The following PRSS12 variants were observed in gnomAD, a reference collection of about 807,000 sequenced individuals.
PRSS12 encodes neurotrypsin.
In PRSS12, 85 loss-of-function variants were observed where a neutral mutation model predicts 104.4. The observed-to-expected ratio is 0.81, with a 90% CI of 0.68 to 0.98. The LOEUF is 0.98. Ranked by LOEUF, PRSS12 falls within the 50% of genes least tolerant of loss-of-function variation. The pLI is 0.00. For missense variants in PRSS12, 1,141 were observed against 1,139.2 expected (o/e 1.00, Z -0.02); for synonymous variants, 454 against 425.2 (o/e 1.07, Z -0.83).
In PRSS12 at chr4:118,352,279, A is replaced by C. The variant is rs777090965; in HGVS notation, c.442T>G (p.Trp148Gly). 6.2e-7 allele frequency: 1 copy of C among 1,609,954 alleles called. No homozygotes were observed. Among genetic ancestry groups the C allele is most frequent in the South Asian group, 1.1e-5 (1 of 90,396 alleles). ...CCACGGGCGTCTCCGTAGAAACACC[A>C]GGGTCTGCCCGCGCCGTCGGGGCTC... ...CRSPDGAGRP[W>G]CFYGDARGKV... The change falls in exon 1 of 13, where the codon TGG (tryptophan) becomes GGG (glycine). Residue 148 changes from tryptophan to glycine, a missense_variant. Transcript: ENST00000296498.
In PRSS12 at chr4:118,340,177, G is replaced by T. The variant is rs529324090; in HGVS notation, c.503-1863C>A. 5.0e-4 allele frequency among the ~76,000 whole-genome samples: 76 copies of T among 152,150 alleles called. 1 individual carries two copies. Among genetic ancestry groups the T allele is most frequent in the African/African-American group, 1.8e-3 (76 of 41,428 alleles). On this transcript the variant is annotated intron_variant, in intron 1 of 12. Coordinates refer to ENST00000296498, the MANE Select transcript of PRSS12 (RefSeq NM_003619.4). ...ATGACCATAACAATATAATAGCAAT[G>T]ATAGAGCTGGAAATAGTTTCCAGGT...
chr4:118,288,101 A>G (rs1743050806), intron 11 of PRSS12, among the ~76,000 whole-genome samples: 1 of 152,224 alleles, frequency 6.6e-6, no homozygotes. Flanking sequence ...TCTTCTCTAC[A>G]TGGATTCGTC....
In PRSS12 at chr4:118,332,114, C is replaced by T. The variant is rs115944868; in HGVS notation, c.821-248G>A. On this transcript the variant is annotated intron_variant, in intron 3 of 12. Transcript: ENST00000296498. ...AAATGTGTTTAAATTCACTTTTCCC[C>T]AACAACCTCAGAAACTAGAAAAGGC... 6.8e-3 allele frequency among the ~76,000 whole-genome samples: 1,029 copies of T among 152,072 alleles called. 13 individuals carry two copies. Among genetic ancestry groups the T allele is most frequent in the African/African-American group, 0.023 (944 of 41,484 alleles).
Position 118,352,575 on chromosome 4 carries a change from G to A in PRSS12, c.146C>T (p.Thr49Ile). The A allele has an allele frequency of 6.3e-7, 1 of 1,578,764 alleles. No individual in the cohort carries two copies. The highest frequency in any genetic ancestry group is 8.6e-7 in the Non-Finnish European group (1 of 1,163,484). The change falls in exon 1 of 13, where the codon ACC (threonine) becomes ATC (isoleucine). Residue 49 changes from threonine to isoleucine, a missense_variant. Physicochemically the swap from Thr to Ile is moderately conservative, Grantham distance 89 (BLOSUM62 -1). Transcript: ENST00000296498. ...ACGCGTCCTCGGGGGCCGCTGCTGG[G>A]TGGGAAGGTAATAGGGGTAGTGCGG... ...AGPHYPYYLPTQQRPPRTRPP... is the reference protein window; with the variant it reads ...AGPHYPYYLPIQQRPPRTRPP...
At chr4:118,348,285 T>C (rs6853459) in intron 1 of PRSS12, among the ~76,000 whole-genome samples, 1 of 152,212 alleles carries the variant, frequency 6.6e-6, no homozygotes, top group South Asian at 2.1e-4. Flanking sequence ...ACCAGAAGTG[T>C]CATTTCTAAA....
intron 4 of PRSS12, among the ~76,000 whole-genome samples, chr4:118,321,419 G>A (rs1032188725): frequency 6.6e-6 from 1 of 152,190 alleles, no homozygotes; most frequent in African/African-American, 2.4e-5. Context: ...AGAAGTATAT[G>A]TGGACACAGA....
intron 5 of PRSS12, 60 bp from the exon 6 acceptor site, chr4:118,316,383 A>C (rs1560775607): frequency 6.2e-7 from 1 of 1,602,316 alleles, no homozygotes; most frequent in Non-Finnish European, 8.5e-7. Flanking sequence ...AGGCAAAACA[A>C]CATTTGTATT....
At position 118,346,722 on chromosome 4, in the gene PRSS12, T is replaced by C. The variant is rs1001073761; in HGVS notation, c.502+5497A>G. ...CCATCGCTCACATTACCACCTGAGCTCTGCCTCCTAAGCTCTGCCTCCTAT... is the reference window on the plus strand; with the variant it reads ...CCATCGCTCACATTACCACCTGAGCCCTGCCTCCTAAGCTCTGCCTCCTAT... On this transcript the variant is annotated intron_variant, in intron 1 of 12. Coordinates refer to ENST00000296498, the MANE Select transcript of PRSS12 (RefSeq NM_003619.4). Among the ~76,000 whole-genome samples, 5 of 152,276 alleles carry C rather than the reference T, an allele frequency of 3.3e-5. No homozygotes were observed. The East Asian group carries it at 9.7e-4, about 29-fold the overall frequency.
At chr4:118,311,107 G>A (rs892344362) in intron 7 of PRSS12, among the ~76,000 whole-genome samples, 2 of 152,022 alleles carry the variant, frequency 1.3e-5, no homozygotes, top group African/African-American at 2.4e-5. Context: ...GTAAAATTGA[G>A]TAAGAGGCAA....
At chr4:118,328,267 T>C (rs924634875) in intron 4 of PRSS12, among the ~76,000 whole-genome samples, 2 of 152,234 alleles carry the variant, frequency 1.3e-5, no homozygotes, top group African/African-American at 4.8e-5. Flanking sequence ...AGAGTACTTA[T>C]AATAAAAACA....
intron 4 of PRSS12, among the ~76,000 whole-genome samples, chr4:118,324,334 A>G (rs550545696): frequency 1.3e-5 from 2 of 152,198 alleles, no homozygotes; most frequent in African/African-American, 4.8e-5. Flanking sequence ...ATGCTTACCT[A>G]TCACATTTTT....
Position 118,318,457 on chromosome 4 carries a change from C to T in PRSS12, c.1071G>A (p.Glu357=). Residue 357 remains glutamate, a synonymous_variant, in exon 5 of 13, where the codon GAG becomes GAA. Transcript: ENST00000296498. ...CTCCCCAGGAGCTCTTTGGACACTG[C>T]TCAATTGAAAGCTCATTCCCAGTGC... ...VRCTGNELSI[E]QCPKSSWGEH... 6.2e-7 allele frequency: 1 copy of T among 1,614,142 alleles called. No individual in the cohort carries two copies. Among genetic ancestry groups the T allele is most frequent in the Non-Finnish European group, 8.5e-7 (1 of 1,180,010 alleles).
In PRSS12 at chr4:118,352,850, A is replaced by ACCGCCCTCGCCTCC; in HGVS notation, c.-144_-131dup. 1 of 1,480,216 alleles carries ACCGCCCTCGCCTCC rather than the reference A, an allele frequency of 6.8e-7. No individual in the cohort carries two copies. The highest frequency in any genetic ancestry group is 9.0e-7 in the Non-Finnish European group (1 of 1,113,576). The allele number at this position is 1,480,216 out of a possible 1,614,324, so 91.7% of individuals were successfully genotyped here. A position where few individuals can be genotyped will look rare whatever the true frequency, so the allele number is the denominator to read the frequency against. On this transcript the variant is annotated 5_prime_UTR_variant, in exon 1 of 13. Transcript: ENST00000296498. ...AGCCCCCTCCCGCCCCCGCACGCGG[A>ACCGCCCTCGCCTCC]CCGCCCTCGCCTCCCCAACCTTGCC...
At chr4:118,338,026 G>C in intron 2 of PRSS12, 150 bp downstream of exon 2, 1 of 968,100 alleles carries the variant, frequency 1.0e-6, no homozygotes, top group Non-Finnish European at 1.6e-6. Context: ...TTCCATTTGG[G>C]GCCCTTTCTT....
At chr4:118,331,966 T>C (rs1723931778) in intron 3 of PRSS12, 100 bp from the exon 4 acceptor site, 4 of 1,433,524 alleles carry the variant, frequency 2.8e-6, no homozygotes, top group South Asian at 1.2e-5. Context: ...AATAATTAAA[T>C]AATATTTATA....
At position 118,352,642 on chromosome 4, in the gene PRSS12, CATT is replaced by C; in HGVS notation, c.76_78del (p.Asn26del). The C allele has an allele frequency of 1.9e-6, 3 of 1,613,092 alleles. No individual in the cohort carries two copies. Among genetic ancestry groups the C allele is most frequent in the Non-Finnish European group, 2.5e-6 (3 of 1,179,530 alleles). ...TGGCGGTGGCTGTGGTGGAGGGAAT[CATT>C]GAGGACAGAATCAAAGCCGACCACT... On this transcript the variant is annotated inframe_deletion, in exon 1 of 13. Coordinates refer to ENST00000296498, the MANE Select transcript of PRSS12 (RefSeq NM_003619.4).
At chr4:118,339,398 T>C (rs1433137511) in intron 1 of PRSS12, among the ~76,000 whole-genome samples, 1 of 152,228 alleles carries the variant, frequency 6.6e-6, no homozygotes, top group Non-Finnish European at 1.5e-5. Flanking sequence ...TCCAAAAATA[T>C]TAGATTCACA....
At chr4:118,351,620 C>T (rs1724507181) in intron 1 of PRSS12, among the ~76,000 whole-genome samples, 4 of 151,916 alleles carry the variant, frequency 2.6e-5, no homozygotes, top group Admixed American at 6.6e-5. Flanking sequence ...TTCTTTTTTT[C>T]CAGTCACTGA....
chr4:118,313,375 T>C lies in PRSS12; in HGVS notation c.1315A>G (p.Asn439Asp). 1 of 1,614,106 alleles carries C rather than the reference T, an allele frequency of 6.2e-7. No homozygotes were observed. Among genetic ancestry groups the C allele is most frequent in the Non-Finnish European group, 8.5e-7 (1 of 1,180,000 alleles). Reference protein sequence around the residue: ...GFKYGKQASANHFEESTGPIW... With the variant: ...GFKYGKQASADHFEESTGPIW... ...GGCCCTGTGCTTTCTTCAAAATGGT[T>C]GGCAGATGCTTGTTTACCATATCTG... Residue 439 changes from asparagine (N) to aspartate (D), a missense_variant, in exon 7 of 13, where the codon AAC becomes GAC. Coordinates refer to ENST00000296498, the MANE Select transcript of PRSS12 (RefSeq NM_003619.4).
Sources: allele counts gnomAD v4.1 joint callset (sites outside exome capture counted in the v4.1 genomes callset), GRCh38; gene constraint gnomAD v4.1.1; transcripts MANE v1.5; gene names NCBI Gene and HGNC (gene_info 2026-07-23, HGNC 2026-07-21).